Variants in DAP3 observed in about 807,000 individuals in gnomAD.
DAP3 encodes the protein death associated protein 3.
In DAP3, 28 loss-of-function variants were observed where a neutral mutation model predicts 51.9. The ratio of observed to expected loss-of-function variants is 0.54; its 90% confidence interval spans 0.40 to 0.74. The LOEUF (loss-of-function observed/expected upper bound fraction) is 0.74, where lower values mean the gene tolerates loss of function less well. Ranked by LOEUF, DAP3 falls within the 30% of genes least tolerant of loss-of-function variation. The pLI is 0.00. For missense variants in DAP3, 458 were observed against 483.5 expected, an observed-to-expected ratio of 0.95 and a Z score of 0.49; for synonymous variants, 170 against 170.3, an observed-to-expected ratio of 1.00 and a Z score of 0.01.
At chr1:155,710,135 C>A in intron 2 of DAP3, 1 of 239,654 alleles carries the variant, frequency 4.2e-6, no homozygotes. Flanking sequence ...GCTTTAGCAT[C>A]TAAAATAGAA....
At chr1:155,724,847 C>T (rs958231565) in intron 4 of DAP3, among the ~76,000 whole-genome samples, 4 of 150,566 alleles carry the variant, frequency 2.7e-5, no homozygotes, top group South Asian at 2.1e-4. Context: ...CCCAGCTACT[C>T]GGGAGGCTGA....
At chr1:155,701,402 CAT>C (rs1200786065) in intron 1 of DAP3, among the ~76,000 whole-genome samples, 1 of 110,640 alleles carries the variant, frequency 9.0e-6, no homozygotes, top group Non-Finnish European at 1.8e-5. Context: ...CTCTCTGAAA[CAT>C]GTGCTGTGTC....
At chr1:155,702,806 TA>T (rs1655475831) in intron 1 of DAP3, among the ~76,000 whole-genome samples, 1 of 151,748 alleles carries the variant, frequency 6.6e-6, no homozygotes, top group Admixed American at 6.6e-5. Flanking sequence ...CCGTCTTTAC[TA>T]AAAATACAAA....
intron 1 of DAP3, 104 bp downstream of exon 1, chr1:155,689,278 G>A (rs1314099613): frequency 1.1e-5 from 7 of 639,274 alleles, no homozygotes; most frequent in Non-Finnish European, 2.0e-5. Flanking sequence ...GCGCGCCTCC[G>A]GGGGGGATTC....
intron 3 of DAP3, among the ~76,000 whole-genome samples, 180 bp from the exon 4 acceptor site, chr1:155,721,337 A>T (rs1445461886): frequency 6.8e-6 from 1 of 147,610 alleles, no homozygotes; most frequent in African/African-American, 2.6e-5. Context: ...CATTTTAAAA[A>T]TAATATATAT....
chr1:155,738,509 A>C lies in DAP3; in HGVS notation c.*267A>C. The C allele has an allele frequency of 1.0e-5, 4 of 386,612 alleles. No individual in the cohort carries two copies. Among genetic ancestry groups the C allele is most frequent in the Non-Finnish European group, 1.9e-5 (4 of 215,986 alleles). 23.9% of individuals were successfully genotyped at this position (386,612 alleles called of 1,614,324 possible). On this transcript the variant is annotated 3_prime_UTR_variant, in exon 13 of 13. Transcript: ENST00000368336. ...AAGATAATTATGGCTCTTTTCCTAA[A>C]AAATAAAATATCTTTCTAAAGTGTT...
intron 1 of DAP3, 84 bp from the exon 2 acceptor site, chr1:155,709,689 A>G (rs878885778): frequency 8.7e-7 from 1 of 1,155,086 alleles, no homozygotes; most frequent in Non-Finnish European, 1.3e-6. Flanking sequence ...ATTAATCCCT[A>G]TTAATCTATT....
At chr1:155,695,383 ATGT>A (rs1239329325) in intron 1 of DAP3, among the ~76,000 whole-genome samples, 2 of 152,196 alleles carry the variant, frequency 1.3e-5, no homozygotes, top group Non-Finnish European at 2.9e-5. Context: ...ACTGAGGACG[ATGT>A]TGTACAATGT....
chr1:155,691,182 C>T (rs577995646), intron 1 of DAP3, among the ~76,000 whole-genome samples: 1 of 142,248 alleles, frequency 7.0e-6, no homozygotes, highest in African/African-American at 3.2e-5. Flanking sequence ...GCTGGGATTA[C>T]AGGCGTGAGC....
At chr1:155,699,787 A>T (rs1012115906) in intron 1 of DAP3, among the ~76,000 whole-genome samples, 5 of 151,632 alleles carry the variant, frequency 3.3e-5, no homozygotes, top group Admixed American at 3.3e-4. Flanking sequence ...CTAATTTTTT[A>T]AATTTTTGGT....
chr1:155,688,862 A>C (rs1653194814), upstream of DAP3: 1 of 1,604,498 alleles, frequency 6.2e-7, no homozygotes, highest in South Asian at 1.1e-5. Context: ...AGGGACCGGC[A>C]AAGCGAGTCT....
chr1:155,704,387 T>C (rs990325952), intron 1 of DAP3, among the ~76,000 whole-genome samples: 4 of 152,186 alleles, frequency 2.6e-5, no homozygotes, highest in Admixed American at 6.5e-5. Flanking sequence ...ATCTGGACCA[T>C]GTCACACACT....
chr1:155,688,636 C>A (rs1653099775), upstream of DAP3: 2 of 1,534,484 alleles, frequency 1.3e-6, no homozygotes. Context: ...CAAGCCGGCT[C>A]CAGCGCAGGC....
At chr1:155,723,929 C>G (rs1392166721) in intron 4 of DAP3, among the ~76,000 whole-genome samples, 1 of 151,704 alleles carries the variant, frequency 6.6e-6, no homozygotes, top group East Asian at 1.9e-4. Context: ...GTCACAGCTA[C>G]TTGTGAGGCT....
At chr1:155,723,544 G>T (rs1346370960) in intron 4 of DAP3, among the ~76,000 whole-genome samples, 1 of 151,704 alleles carries the variant, frequency 6.6e-6, no homozygotes, top group African/African-American at 2.4e-5. Context: ...GGCCAGGCTG[G>T]TCTCCAACTC....
At chr1:155,702,855 A>C (rs926411035) in intron 1 of DAP3, among the ~76,000 whole-genome samples, 5 of 152,160 alleles carry the variant, frequency 3.3e-5, no homozygotes, top group African/African-American at 1.2e-4. Flanking sequence ...CTGTAATCCC[A>C]GCTACTCAGG....
chr1:155,738,306 A>G lies in DAP3; in HGVS notation c.*64A>G. On this transcript the variant is annotated 3_prime_UTR_variant, in exon 13 of 13. Coordinates refer to ENST00000368336, the MANE Select transcript of DAP3 (RefSeq NM_004632.4). ...GCTTTATGCTGGACCCAGTAAGATG[A>G]GGAAGTCGGGCAGTACACAGGAAGA... 6.3e-7 allele frequency: 1 copy of G among 1,579,388 alleles called. No individual in the cohort carries two copies. Among genetic ancestry groups the G allele is most frequent in the Non-Finnish European group, 8.7e-7 (1 of 1,153,666 alleles).
At chr1:155,695,974 T>C (rs577026524) in intron 1 of DAP3, among the ~76,000 whole-genome samples, 12 of 152,346 alleles carry the variant, frequency 7.9e-5, no homozygotes, top group African/African-American at 2.4e-4. Context: ...ATTCAATAAA[T>C]TCTGCTAAAT....
chr1:155,699,477 TTTA>T (rs1654919297), intron 1 of DAP3, among the ~76,000 whole-genome samples: 1 of 152,182 alleles, frequency 6.6e-6, no homozygotes, highest in African/African-American at 2.4e-5. Flanking sequence ...GTCCCATATT[TTTA>T]TGGCCAGTTT....
Sources: allele counts gnomAD v4.1 joint callset (sites outside exome capture counted in the v4.1 genomes callset), GRCh38; gene constraint gnomAD v4.1.1; transcripts MANE v1.5; gene names NCBI Gene and HGNC (gene_info 2026-07-23, HGNC 2026-07-21).